ASTN2: variants seen among roughly 807,000 people sequenced by gnomAD.
ASTN2 encodes astrotactin 2.
In ASTN2, 54 loss-of-function variants were observed where a neutral mutation model predicts 139.8. That is an observed-to-expected ratio of 0.39 (90% CI 0.31 to 0.48). The LOEUF (loss-of-function observed/expected upper bound fraction) is 0.48. Among genes scored for constraint, ASTN2 ranks in the 20% least tolerant of loss-of-function variants. ASTN2 has a pLI of 0.95. For synonymous variants in ASTN2, 756 were observed against 719.5 expected, an observed-to-expected ratio of 1.05 and a Z score of -0.81; for missense variants, 1,565 against 1,725.1, an observed-to-expected ratio of 0.91 and a Z score of 1.64.
At chr9:117,235,625 A>G (rs1449514125) in intron 2 of ASTN2, among the ~76,000 whole-genome samples, 2 of 152,200 alleles carry the variant, frequency 1.3e-5, no homozygotes, top group Non-Finnish European at 2.9e-5. Flanking sequence ...CTTTCCCTTC[A>G]TTAGTACCTC....
At chr9:116,623,131 A>C (rs374856494) in intron 17 of ASTN2, among the ~76,000 whole-genome samples, 2 of 144,992 alleles carry the variant, frequency 1.4e-5, no homozygotes, top group African/African-American at 5.0e-5. Flanking sequence ...AGCAATGGGA[A>C]GAGAGAGAGC....
chr9:116,558,490 C>A (rs1256280179), intron 19 of ASTN2, among the ~76,000 whole-genome samples: 4 of 152,006 alleles, frequency 2.6e-5, no homozygotes, highest in Admixed American at 2.6e-4. Flanking sequence ...ACCAAGAGAG[C>A]TTATGGAAGG....
chr9:116,774,214 T>G (rs1830023358), intron 13 of ASTN2, among the ~76,000 whole-genome samples: 1 of 152,200 alleles, frequency 6.6e-6, no homozygotes, highest in Non-Finnish European at 1.5e-5. Flanking sequence ...TGATGTACTC[T>G]CACCCTCATT....
intron 3 of ASTN2, among the ~76,000 whole-genome samples, chr9:117,163,128 G>T (rs577568024): frequency 6.6e-6 from 1 of 152,148 alleles, no homozygotes; most frequent in East Asian, 1.9e-4. Context: ...TAGCTAAAAA[G>T]TAGGGGAGGA....
chr9:116,557,690 T>G (rs578149984), intron 19 of ASTN2: 1 of 152,202 alleles, frequency 6.6e-6, no homozygotes, highest in Admixed American at 6.5e-5. Context: ...TGGAAGATCT[T>G]CAAAAAAACT....
At chr9:117,216,734 TAAGAA>T (rs891045477) in intron 2 of ASTN2, among the ~76,000 whole-genome samples, 16 of 151,060 alleles carry the variant, frequency 1.1e-4, no homozygotes, top group African/African-American at 3.9e-4. Flanking sequence ...GTTTCAGAAA[TAAGAA>T]AAGAAGGAGA....
At position 116,799,032 on chromosome 9, in the gene ASTN2, A is replaced by G. The variant is rs532823434; in HGVS notation, c.2396+6600T>C. 2.1e-5 allele frequency among the ~76,000 whole-genome samples: 3 copies of G among 146,116 alleles called. No homozygotes were observed. In the East Asian group the frequency reaches 6.2e-4, roughly 30 times the overall value. ...TATCAAATGAAAAAACACATAAAGT[A>G]TTCAGCATAGGTCCAGACACATAAA... On this transcript the variant is annotated intron_variant, in intron 13 of 22. Coordinates refer to ENST00000313400, the MANE Select transcript of ASTN2 (RefSeq NM_001365068.1).
Position 117,214,591 on chromosome 9 carries a change from C to T in ASTN2, c.782G>A (p.Gly261Asp), listed in dbSNP as rs975654104. 1 of 1,606,198 alleles carries T rather than the reference C, an allele frequency of 6.2e-7. No homozygotes were observed. Among genetic ancestry groups the T allele is most frequent in the South Asian group, 1.1e-5 (1 of 90,738 alleles). Reference protein sequence around the residue: ...EIHYIPSVLLGPQARESFRSS... With the variant: ...EIHYIPSVLLDPQARESFRSS... Reference sequence around the variant, plus strand: ...ACGGAAGCTCTCCCGCGCCTGGGGACCCAGCAGCACAGATGGGATGTAGTG... The same window carrying T: ...ACGGAAGCTCTCCCGCGCCTGGGGATCCAGCAGCACAGATGGGATGTAGTG... Residue 261 changes from glycine to aspartate, a missense_variant, in exon 3 of 23, where the codon GGT becomes GAT. Transcript: ENST00000313400.
intron 10 of ASTN2, among the ~76,000 whole-genome samples, chr9:116,865,247 G>T (rs530709895): frequency 2.0e-5 from 3 of 152,016 alleles, no homozygotes; most frequent in Non-Finnish European, 4.4e-5. Context: ...TAGGAAGGAG[G>T]CTTGATTGAG....
intron 16 of ASTN2, 32 bp downstream of exon 16, chr9:116,725,739 G>A (rs1286462824): frequency 6.2e-7 from 1 of 1,600,868 alleles, no homozygotes; most frequent in Middle Eastern, 2.1e-4. Flanking sequence ...AGCCTGCCTG[G>A]CCACCTCCTA....
Position 117,414,006 on chromosome 9 carries a change from C to T in ASTN2, c.442+491G>A, listed in dbSNP as rs566178934. 6.6e-6 allele frequency among the ~76,000 whole-genome samples: 1 copy of T among 152,278 alleles called. No homozygotes were observed. Among genetic ancestry groups the T allele is most frequent in the Middle Eastern group, 3.4e-3 (1 of 294 alleles). ...CTTTTGCGGGTTGAGCGATTCCACA[C>T]GGAACTACTCCATTCCTACTCTCAT... On this transcript the variant is annotated intron_variant, in intron 1 of 22. Coordinates refer to ENST00000313400, the MANE Select transcript of ASTN2 (RefSeq NM_001365068.1). The surrounding 1 kb of genome is among the most constrained non-coding windows in gnomAD (Gnocchi z 4.2).
chr9:117,005,273 T>A (rs1328351209), intron 7 of ASTN2, among the ~76,000 whole-genome samples: 9 of 150,596 alleles, frequency 6.0e-5, no homozygotes, highest in Non-Finnish European at 1.3e-4. Context: ...TGTATTTTAG[T>A]AGACAGGGTT....
intron 2 of ASTN2, among the ~76,000 whole-genome samples, chr9:117,244,388 G>A (rs1055592355): frequency 6.6e-6 from 1 of 152,024 alleles, no homozygotes; most frequent in African/African-American, 2.4e-5. Flanking sequence ...GCCTCATCTG[G>A]GAGGTGTGCC....
At chr9:117,008,445 T>C (rs1220436575) in intron 6 of ASTN2, among the ~76,000 whole-genome samples, 186 bp from the exon 7 acceptor site, 4 of 152,048 alleles carry the variant, frequency 2.6e-5, no homozygotes, top group African/African-American at 9.7e-5. Context: ...AAATCAAACA[T>C]GGGAGATAAT....
At chr9:116,543,988 C>A (rs1851986219) in intron 19 of ASTN2, 1 of 152,162 alleles carries the variant, frequency 6.6e-6, no homozygotes. Context: ...GTCTTTTCTC[C>A]TATTAGAACA....
At chr9:117,364,950 A>AC (rs1829793830) in intron 1 of ASTN2, among the ~76,000 whole-genome samples, 1 of 121,542 alleles carries the variant, frequency 8.2e-6, no homozygotes, top group African/African-American at 3.2e-5. Flanking sequence ...CCATCTCTAC[A>AC]ACACACACAC....
chr9:117,140,152 G>A (rs968124768), intron 4 of ASTN2, among the ~76,000 whole-genome samples: 1 of 152,176 alleles, frequency 6.6e-6, no homozygotes, highest in African/African-American at 2.4e-5. Context: ...CTTGGAATAA[G>A]TTAAGAGTCA....
intron 7 of ASTN2, among the ~76,000 whole-genome samples, chr9:117,003,953 C>CGCGTGTGTGTGTGTGTGTGTGTGT (rs1218309835): frequency 6.2e-5 from 9 of 146,284 alleles, no homozygotes; most frequent in African/African-American, 2.4e-4. Flanking sequence ...CGCGCGCGCG[C>CGCGTGTGTGTGTGTGTGTGTGTGT]GTGTGTGTGT....
intron 13 of ASTN2, among the ~76,000 whole-genome samples, chr9:116,750,029 A>G (rs1194299274): frequency 6.6e-6 from 1 of 152,208 alleles, no homozygotes; most frequent in Non-Finnish European, 1.5e-5. Context: ...CCTTATAGCA[A>G]TGCAAATAGT....
Sources: allele counts gnomAD v4.1 joint callset (sites outside exome capture counted in the v4.1 genomes callset), GRCh38; gene constraint gnomAD v4.1.1; non-coding constraint Gnocchi (gnomAD v3.1); transcripts MANE v1.5; gene names NCBI Gene and HGNC (gene_info 2026-07-23, HGNC 2026-07-21).